Variants in ERCC6 observed in about 807,000 individuals in gnomAD.
ERCC6 encodes ERCC excision repair 6, chromatin remodeling factor, also known as DNA excision repair protein ERCC-6.
In ERCC6, 116 loss-of-function variants were observed where a neutral mutation model predicts 158.7. The ratio of observed to expected loss-of-function variants is 0.73; its 90% CI spans 0.63 to 0.85. The LOEUF is 0.85. Ranked by LOEUF, ERCC6 falls within the 40% of genes least tolerant of loss-of-function variation. ERCC6 has a pLI of 0.00. For missense variants in ERCC6, 1,698 were observed against 1,799.4 expected (o/e 0.94, Z 1.02); for synonymous variants, 678 against 659.3 (o/e 1.03, Z -0.43).
Position 49,482,798 on chromosome 10 carries a change from C to G in ERCC6, c.2058G>C (p.Trp686Cys), listed in dbSNP as rs751292948. ...SPMQNNLREL[W>C]SLFDFIFPGK... Reference sequence around the variant, plus strand: ...CCGGGAAGATGAAGTCAAAGAGCGACCACAGCTCTCGGAGGTTATTTTGCA... The same window carrying G: ...CCGGGAAGATGAAGTCAAAGAGCGAGCACAGCTCTCGGAGGTTATTTTGCA... Residue 686 changes from tryptophan to cysteine, a missense_variant, in exon 10 of 21, where the codon TGG becomes TGC. Coordinates refer to ENST00000355832, the MANE Select transcript of ERCC6 (RefSeq NM_000124.4). 9.3e-6 allele frequency: 15 copies of G among 1,613,980 alleles called. No individual in the cohort carries two copies. Among genetic ancestry groups the G allele is most frequent in the Non-Finnish European group, 1.2e-5 (14 of 1,179,988 alleles).
At chr10:49,437,753 G>T in the ERCC6 span, among the ~76,000 whole-genome samples, 2 of 152,162 alleles carry the variant, frequency 1.3e-5, no homozygotes, top group Non-Finnish European at 2.9e-5. Context: ...ATAATAAAAG[G>T]CTGATTTTTT....
At chr10:49,492,194 C>T (rs1160224309) in intron 8 of ERCC6, among the ~76,000 whole-genome samples, 1 of 152,158 alleles carries the variant, frequency 6.6e-6, no homozygotes, top group Non-Finnish European at 1.5e-5. Flanking sequence ...AACACAAACA[C>T]AACAGGAATC....
chr10:49,497,047 T>C (rs971666871), intron 7 of ERCC6, among the ~76,000 whole-genome samples: 6 of 152,200 alleles, frequency 3.9e-5, no homozygotes, highest in African/African-American at 1.4e-4. Flanking sequence ...CTACAGTCAC[T>C]GTCCCTGCCC....
At chr10:49,498,493 T>G (rs532147748) in intron 7 of ERCC6, among the ~76,000 whole-genome samples, 1 of 152,166 alleles carries the variant, frequency 6.6e-6, no homozygotes, top group Non-Finnish European at 1.5e-5. Flanking sequence ...CTGGTACATA[T>G]GAGCGGGGGG....
chr10:49,511,014 A>C (rs1172736967), intron 5 of ERCC6, among the ~76,000 whole-genome samples: 2 of 151,714 alleles, frequency 1.3e-5, no homozygotes. Flanking sequence ...CTTATAACAA[A>C]AAAAAAAAAA....
Position 49,532,652 on chromosome 10 carries a change from G to T in ERCC6, c.313C>A (p.Leu105Met). 6.2e-7 allele frequency: 1 copy of T among 1,614,200 alleles called. No individual in the cohort carries two copies. The highest frequency in any genetic ancestry group is 8.5e-7 in the Non-Finnish European group (1 of 1,180,044). Reference sequence around the variant, plus strand: ...ACCTGCTGAAGCACTCCCTGTTCCAGCACGTCCTGGTCATAGACGTCCACA... The same window carrying T: ...ACCTGCTGAAGCACTCCCTGTTCCATCACGTCCTGGTCATAGACGTCCACA... ...LGVDVYDQDV[L>M]EQGVLQQVDN... Residue 105 changes from leucine to methionine, a missense_variant, in exon 2 of 21, where the codon CTG becomes ATG. Coordinates refer to ENST00000355832, the MANE Select transcript of ERCC6 (RefSeq NM_000124.4).
chr10:49,465,876 T>C (rs963158238), intron 18 of ERCC6, among the ~76,000 whole-genome samples: 18 of 152,100 alleles, frequency 1.2e-4, no homozygotes, highest in African/African-American at 4.3e-4. Context: ...ATCAGCAGTG[T>C]GAAAACAGAC....
At chr10:49,472,660 A>G in intron 15 of ERCC6, 190 bp from the exon 16 acceptor site, 1 of 741,482 alleles carries the variant, frequency 1.3e-6, no homozygotes, top group Non-Finnish European at 2.2e-6. Context: ...TACTTGAAAA[A>G]ATGTTTGTAA....
chr10:49,495,064 G>A lies in ERCC6; in HGVS notation c.1686-1812C>T, dbSNP rs147337903. On this transcript the variant is annotated intron_variant, in intron 7 of 20. Coordinates refer to ENST00000355832, the MANE Select transcript of ERCC6 (RefSeq NM_000124.4). The stretch of plus-strand genomic sequence containing the variant: ...CATCTGCACTCCTCCTGCCCTTCTG[G>A]GACAAAGGGACAGTGTCCCTTTTCT... 3.0e-3 allele frequency among the ~76,000 whole-genome samples: 453 copies of A among 152,144 alleles called. 3 individuals carry two copies. Among genetic ancestry groups the A allele is most frequent in the Non-Finnish European group, 4.9e-3 (336 of 68,010 alleles).
intron 10 of ERCC6, among the ~76,000 whole-genome samples, chr10:49,481,631 A>G (rs1850981493): frequency 6.6e-6 from 1 of 152,132 alleles, no homozygotes; most frequent in African/African-American, 2.4e-5. Context: ...CCTGCCATAC[A>G]GGCCACAAAC....
intron 5 of ERCC6, chr10:49,516,619 C>G: frequency 6.2e-7 from 1 of 1,614,110 alleles, no homozygotes; most frequent in South Asian, 1.1e-5. Context: ...TTACTGCAAG[C>G]ATATAAGTTG....
chr10:49,502,421 G>A (rs1337512417), intron 6 of ERCC6: 1 of 152,166 alleles, frequency 6.6e-6, no homozygotes, highest in Non-Finnish European at 1.5e-5. Context: ...GAAAATATGT[G>A]GTATGTAATC....
chr10:49,524,068 A>C lies in ERCC6; in HGVS notation c.1362T>G (p.Asp454Glu), dbSNP rs763796002. 4 of 1,613,490 alleles carry C rather than the reference A, an allele frequency of 2.5e-6. No homozygotes were observed. The South Asian group carries it at 4.4e-5, about 18-fold the overall frequency. The change falls in exon 5 of 21, where the codon GAT (aspartate) becomes GAG (glutamate). Residue 454 changes from aspartate (D) to glutamate (E), a missense_variant. Transcript: ENST00000355832. The stretch of plus-strand genomic sequence containing the variant: ...GCTTATAATAATCTTCATCTCCATC[A>C]TCTCGGTATCTTCCCACTTTCCGAC... Reference protein sequence around the residue: ...GGGRKVGRYRDDGDEDYYKQR... With the variant: ...GGGRKVGRYREDGDEDYYKQR...
At chr10:49,436,313 A>C in the ERCC6 span, among the ~76,000 whole-genome samples, 1 of 152,190 alleles carries the variant, frequency 6.6e-6, no homozygotes, top group African/African-American at 2.4e-5. Context: ...CACAGCAAAC[A>C]CTAGCAATAA....
At chr10:49,442,471 A>C in the ERCC6 span, among the ~76,000 whole-genome samples, 28 of 152,350 alleles carry the variant, frequency 1.8e-4, no homozygotes, top group Admixed American at 3.3e-4. Flanking sequence ...CCTCTCTCCC[A>C]AAGAAGCAGA....
chr10:49,519,351 A>G (rs1478098312), intron 5 of ERCC6, among the ~76,000 whole-genome samples: 1 of 152,270 alleles, frequency 6.6e-6, no homozygotes, highest in African/African-American at 2.4e-5. Flanking sequence ...AAAGATGTGT[A>G]TTCACAGAAC....
chr10:49,515,365 C>T, intron 5 of ERCC6: 1 of 1,613,236 alleles, frequency 6.2e-7, no homozygotes, highest in Non-Finnish European at 8.5e-7. Context: ...GAACACTTCA[C>T]ATGTAAGGCA....
chr10:49,472,522 C>A (rs757525603), intron 15 of ERCC6, 52 bp from the exon 16 acceptor site: 12 of 1,574,702 alleles, frequency 7.6e-6, no homozygotes, highest in East Asian at 2.2e-5. Flanking sequence ...CAATGACAAG[C>A]ACTGACTATA....
intron 18 of ERCC6, among the ~76,000 whole-genome samples, chr10:49,468,267 T>C (rs544526702): frequency 6.6e-6 from 1 of 152,348 alleles, no homozygotes; most frequent in Non-Finnish European, 1.5e-5. Context: ...CTATCGTCTC[T>C]TGCATGTGAA....
Sources: allele counts gnomAD v4.1 joint callset (sites outside exome capture counted in the v4.1 genomes callset), GRCh38; gene constraint gnomAD v4.1.1; transcripts MANE v1.5; gene names NCBI Gene and HGNC (gene_info 2026-07-23, HGNC 2026-07-21).